The following RARB variants were observed in gnomAD, a reference collection of about 807,000 sequenced individuals.
RARB encodes the protein HBV-activated protein.
In RARB, 17 loss-of-function variants were observed where a neutral mutation model predicts 51.9. The ratio of observed to expected loss-of-function variants is 0.33; its 90% confidence interval spans 0.22 to 0.49. RARB has a LOEUF of 0.49. Among genes scored for constraint, RARB ranks in the 20% least tolerant of loss-of-function variants. The probability of loss-of-function intolerance (pLI) is 0.99; values close to 1 mark genes in which losing one functional copy is unlikely to be tolerated. For missense variants in RARB, 369 were observed against 550.8 expected (o/e 0.67, Z 3.30); for synonymous variants, 215 against 195.4 (o/e 1.10, Z -0.84).
chr3:25,281,854 C>T (rs1243232769), intron 5 of RARB, among the ~76,000 whole-genome samples: 1 of 152,192 alleles, frequency 6.6e-6, no homozygotes, highest in East Asian at 1.9e-4. Context: ...CTGCATCCTC[C>T]TACAGGGATA....
At chr3:25,077,079 C>T (rs1015230908) in intron 3 of RARB, among the ~76,000 whole-genome samples, 3 of 152,022 alleles carry the variant, frequency 2.0e-5, no homozygotes, top group African/African-American at 7.3e-5. Context: ...TGCTTTGGGC[C>T]CAGATAGAAA....
intron 1 of RARB, among the ~76,000 whole-genome samples, chr3:25,442,940 G>A (rs1708763285): frequency 6.6e-6 from 1 of 152,058 alleles, no homozygotes; most frequent in African/African-American, 2.4e-5. Flanking sequence ...TTTCAACTCA[G>A]CTTGAACATT....
In RARB at chr3:24,864,148, C is replaced by A. The variant is rs1183655713; in HGVS notation, c.-380+5396C>A. Among the ~76,000 whole-genome samples, 7 of 152,186 alleles carry A rather than the reference C, an allele frequency of 4.6e-5. No individual in the cohort carries two copies. The South Asian group carries it at 1.2e-3, about 27-fold the overall frequency. On this transcript the variant is annotated intron_variant, in intron 2 of 11. Transcript: ENST00000383772. ...TACTTGTTTCACCCATAACACTGAA[C>A]TGTGAGCATGCACACAGTCACTGAT... is the stretch of plus-strand genomic sequence containing the variant.
chr3:24,879,255 C>G (rs75470526), intron 2 of RARB, among the ~76,000 whole-genome samples: 3 of 151,756 alleles, frequency 2.0e-5, no homozygotes, highest in African/African-American at 7.3e-5. Flanking sequence ...CAGTGAAACC[C>G]CATCTCTACT....
At chr3:25,017,657 G>A (rs1697542007) in intron 2 of RARB, among the ~76,000 whole-genome samples, 2 of 152,210 alleles carry the variant, frequency 1.3e-5, no homozygotes, top group Non-Finnish European at 2.9e-5. Flanking sequence ...TGTGTCAACT[G>A]TAATCTTTTT....
intron 5 of RARB, among the ~76,000 whole-genome samples, chr3:25,253,932 G>T (rs1702794096): frequency 6.6e-6 from 1 of 152,120 alleles, no homozygotes; most frequent in Non-Finnish European, 1.5e-5. Context: ...CTAGGATATC[G>T]GTAGGGAACT....
intron 2 of RARB, among the ~76,000 whole-genome samples, chr3:24,930,157 T>C (rs145427188): frequency 2.6e-5 from 4 of 152,220 alleles, no homozygotes; most frequent in African/African-American, 9.6e-5. Flanking sequence ...ACAGGTCTAT[T>C]AAAACAGAAT....
intron 4 of RARB, among the ~76,000 whole-genome samples, chr3:25,580,192 G>C (rs530793021): frequency 2.0e-5 from 3 of 152,318 alleles, no homozygotes; most frequent in Admixed American, 6.5e-5. Flanking sequence ...GGCTAACACG[G>C]TGAAACCCTG....
intron 5 of RARB, among the ~76,000 whole-genome samples, chr3:25,584,641 A>G (rs1701312533): frequency 6.6e-6 from 1 of 152,048 alleles, no homozygotes; most frequent in Admixed American, 6.5e-5. Flanking sequence ...CGGGGGCGAG[A>G]CCTTAGATCC....
At chr3:25,287,347 C>T (rs322683) in intron 5 of RARB, among the ~76,000 whole-genome samples, 60,823 of 151,920 alleles carry the variant, frequency 0.4, 12,933 homozygotes, top group African/African-American at 0.53. Context: ...TTTCCATATA[C>T]AAGGGAGAGA....
At chr3:24,901,429 C>T (rs971978324) in intron 2 of RARB, among the ~76,000 whole-genome samples, 6 of 152,160 alleles carry the variant, frequency 3.9e-5, no homozygotes, top group Non-Finnish European at 7.3e-5. Flanking sequence ...TTTTTTGAGA[C>T]AGGACCTCAC....
chr3:25,417,984 T>G (rs755103146), intron 5 of RARB, among the ~76,000 whole-genome samples: 2 of 152,194 alleles, frequency 1.3e-5, no homozygotes, highest in African/African-American at 4.8e-5. Context: ...GTTGCTGTCC[T>G]CCTCTCTGGT....
chr3:24,980,348 A>G (rs935476540), intron 2 of RARB, among the ~76,000 whole-genome samples: 1 of 152,080 alleles, frequency 6.6e-6, no homozygotes, highest in Admixed American at 6.5e-5. Flanking sequence ...TCTCCTTATT[A>G]CTATCCTGAA....
At chr3:25,271,717 G>A (rs1191130350) in intron 5 of RARB, among the ~76,000 whole-genome samples, 1 of 152,074 alleles carries the variant, frequency 6.6e-6, no homozygotes, top group African/African-American at 2.4e-5. Context: ...TTCTTATTCA[G>A]TAATCTTGTT....
At chr3:25,415,975 G>C (rs913951317) in intron 5 of RARB, among the ~76,000 whole-genome samples, 1 of 152,094 alleles carries the variant, frequency 6.6e-6, no homozygotes, top group Non-Finnish European at 1.5e-5. Context: ...AAAAATGCAG[G>C]GGCAAGGAAC....
chr3:25,036,742 A>G (rs1698002939), intron 2 of RARB, among the ~76,000 whole-genome samples: 1 of 152,070 alleles, frequency 6.6e-6, no homozygotes, highest in Non-Finnish European at 1.5e-5. Flanking sequence ...TCTGGTTAGG[A>G]TGTCGAAAAG....
At chr3:25,593,152 G>T (rs556869747) in intron 5 of RARB, among the ~76,000 whole-genome samples, 5 of 151,586 alleles carry the variant, frequency 3.3e-5, no homozygotes, top group Non-Finnish European at 7.4e-5. Flanking sequence ...TTAAAAAATA[G>T]AATCTTATTC....
chr3:24,927,749 G>A (rs1306127906), intron 2 of RARB, among the ~76,000 whole-genome samples: 5 of 152,002 alleles, frequency 3.3e-5, no homozygotes, highest in Non-Finnish European at 7.4e-5. Flanking sequence ...CCTTGTTAAA[G>A]CGTATTTTTT....
At chr3:25,235,711 G>A (rs1373839724) in intron 5 of RARB, among the ~76,000 whole-genome samples, 1 of 152,222 alleles carries the variant, frequency 6.6e-6, no homozygotes, top group African/African-American at 2.4e-5. Flanking sequence ...GCAGAATGAA[G>A]ACATGCGTGC....
Sources: gnomAD v4.1 joint callset for allele counts (sites outside exome capture counted in the v4.1 genomes callset) on GRCh38, gnomAD v4.1.1 for gene constraint, MANE v1.5 for transcripts, NCBI Gene and HGNC (gene_info 2026-07-23, HGNC 2026-07-21) for gene names.